The following LAMC3 variants were observed in gnomAD, a reference collection of about 807,000 sequenced individuals.
LAMC3 encodes the protein laminin subunit gamma-3.
Under a neutral mutation model 173.8 loss-of-function variants are expected in LAMC3, and 128 were observed. The observed-to-expected ratio is 0.74, with a 90% CI of 0.64 to 0.85. The LOEUF (loss-of-function observed/expected upper bound fraction) is 0.85. Ranked by LOEUF, LAMC3 falls within the 40% of genes least tolerant of loss-of-function variation. The pLI, the probability that LAMC3 is intolerant of heterozygous loss-of-function variation, is 0.00. For missense variants in LAMC3, 2,022 were observed against 2,156.0 expected, an observed-to-expected ratio of 0.94 and a Z score of 1.23; for synonymous variants, 897 against 909.1, an observed-to-expected ratio of 0.99 and a Z score of 0.24.
intron 25 of LAMC3, 79 bp downstream of exon 25, chr9:131,085,802 C>G: frequency 7.4e-7 from 1 of 1,346,648 alleles, no homozygotes; most frequent in Non-Finnish European, 1.1e-6. Context: ...TTCCCGACAT[C>G]CGTGCTGACT....
At chr9:131,051,121 G>T (rs577335523) in intron 9 of LAMC3, among the ~76,000 whole-genome samples, 1 of 152,304 alleles carries the variant, frequency 6.6e-6, no homozygotes, top group South Asian at 2.1e-4. Flanking sequence ...CACCAAAGCT[G>T]TGGCGGGGCG....
chr9:131,009,343 G>A lies in LAMC3; in HGVS notation c.129G>A (p.Ala43=). The A allele has an allele frequency of 6.7e-7, 1 of 1,496,818 alleles. No homozygotes were observed. The highest frequency in any genetic ancestry group is 8.8e-7 in the Non-Finnish European group (1 of 1,130,096). The allele number at this position is 1,496,818 out of a possible 1,614,324, so 92.7% of individuals were successfully genotyped here. Residue 43 remains alanine (A), a synonymous_variant, in exon 1 of 28, where the codon GCG becomes GCA. Coordinates refer to ENST00000361069, the MANE Select transcript of LAMC3 (RefSeq NM_006059.4). The surrounding 1 kb of genome is among the most constrained non-coding windows in gnomAD (Gnocchi z 4.3). The part of the protein sequence containing the change: ...QRCLPVFENA[A]FGRLAQASHT... ...GCCTGCCGGTGTTCGAGAACGCGGC[G>A]TTTGGGCGGCTCGCCCAGGCCTCGC...
At position 131,026,574 on chromosome 9, in the gene LAMC3, G is replaced by A. The variant is rs1442100580; in HGVS notation, c.663G>A (p.Glu221=). 1 of 1,599,402 alleles carries A rather than the reference G, an allele frequency of 6.3e-7. No individual in the cohort carries two copies. The highest frequency in any genetic ancestry group is 1.7e-5 in the Admixed American group (1 of 57,386). The change falls in exon 2 of 28, where the codon GAG becomes GAA. Residue 221 remains glutamate (E), a synonymous_variant. Transcript: ENST00000361069. This position sits in a 1 kb window ranked among gnomAD's most constrained non-coding sequence, Gnocchi z 4.8. ...EGRPSAYNFE[E]SPGLQEWVTS... ...GGCCCAGCGCCTACAACTTCGAGGA[G>A]AGCCCTGGGCTGCAGGTCAGGGAGG...
chr9:131,071,705 T>A (rs1249396392), intron 18 of LAMC3, 80 bp downstream of exon 18: 3 of 1,433,154 alleles, frequency 2.1e-6, no homozygotes, highest in African/African-American at 2.8e-5. Flanking sequence ...GTTGGATGCT[T>A]TGGGGGCCCT....
intron 11 of LAMC3, among the ~76,000 whole-genome samples, chr9:131,056,494 G>GAAAAAAAAAA (rs113366403): frequency 7.1e-6 from 1 of 139,962 alleles, no homozygotes. Context: ...TTGACAATTT[G>GAAAAAAAAAA]AAAAATAAAA....
Position 131,067,036 on chromosome 9 carries a change from C to G in LAMC3, c.2424C>G (p.His808Gln). 6.2e-7 allele frequency: 1 copy of G among 1,614,106 alleles called. No individual in the cohort carries two copies. The change falls in exon 14 of 28, where the codon CAC becomes CAG. Residue 808 changes from histidine to glutamine, a missense_variant. Physicochemically the swap from His to Gln is conservative, Grantham distance 24. Coordinates refer to ENST00000361069, the MANE Select transcript of LAMC3 (RefSeq NM_006059.4). Reference protein sequence around the residue: ...LGLFGHPQPCHQCQCSGNVDP... With the variant: ...LGLFGHPQPCQQCQCSGNVDP... ...TCTTTGGGCACCCCCAGCCCTGCCA[C>G]CAGTGCCAGTGTAGCGGGAACGTGG...
intron 24 of LAMC3, among the ~76,000 whole-genome samples, chr9:131,084,219 A>AT (rs1260453336): frequency 6.7e-6 from 1 of 150,348 alleles, no homozygotes; most frequent in Non-Finnish European, 1.5e-5. Flanking sequence ...TTCCTTTAGA[A>AT]TTTTTTTTTG....
intron 7 of LAMC3, among the ~76,000 whole-genome samples, chr9:131,042,487 T>G (rs1176166942): frequency 7.2e-6 from 1 of 138,234 alleles, no homozygotes; most frequent in Admixed American, 7.3e-5. Flanking sequence ...CTTTTCACAC[T>G]CACGGCCAAC....
intron 2 of LAMC3, among the ~76,000 whole-genome samples, chr9:131,028,871 C>A (rs1434224564): frequency 6.6e-6 from 1 of 152,180 alleles, no homozygotes; most frequent in African/African-American, 2.4e-5. Context: ...CTATGCTGCC[C>A]AAGCTGGTCT....
chr9:131,072,521 G>A (rs1830052116), intron 18 of LAMC3, 109 bp from the exon 19 acceptor site: 4 of 887,444 alleles, frequency 4.5e-6, no homozygotes, highest in Admixed American at 2.0e-5. Flanking sequence ...GGTGCTCAGG[G>A]CTGCTGATGC....
chr9:131,041,858 T>G (rs1373361849), intron 7 of LAMC3, 123 bp downstream of exon 7: 5 of 798,350 alleles, frequency 6.3e-6, no homozygotes, highest in Non-Finnish European at 1.1e-5. Context: ...TGGGTGACCT[T>G]GTCACCCTGT....
At chr9:131,053,228 C>T (rs769120559) in intron 11 of LAMC3, among the ~76,000 whole-genome samples, 22 of 152,174 alleles carry the variant, frequency 1.4e-4, no homozygotes, top group Non-Finnish European at 2.1e-4. Context: ...GGCAGGTGTG[C>T]GGCCAGCAAG....
At chr9:131,023,965 G>T (rs1833675567) in intron 1 of LAMC3, among the ~76,000 whole-genome samples, 1 of 151,742 alleles carries the variant, frequency 6.6e-6, no homozygotes, top group Non-Finnish European at 1.5e-5. Context: ...CCACTCTGTG[G>T]GTTGCCTTTT....
chr9:131,013,148 AACTGAGGC>A (rs1833455107), intron 1 of LAMC3, among the ~76,000 whole-genome samples: 1 of 152,228 alleles, frequency 6.6e-6, no homozygotes, highest in South Asian at 2.1e-4. Context: ...CAGACAGCAA[AACTGAGGC>A]ACTGAGGGTG....
chr9:131,047,163 CTCTT>C (rs1205289412), intron 8 of LAMC3, among the ~76,000 whole-genome samples: 1 of 48,554 alleles, frequency 2.1e-5, no homozygotes, highest in Admixed American at 1.9e-4. Flanking sequence ...CTCTGAATTC[CTCTT>C]TTTTTTTTTT....
chr9:131,027,125 G>A (rs994551212), intron 2 of LAMC3, among the ~76,000 whole-genome samples: 1 of 152,244 alleles, frequency 6.6e-6, no homozygotes, highest in Non-Finnish European at 1.5e-5. Context: ...GACCAGAGCT[G>A]TCCCTTCCCT....
At position 131,069,790 on chromosome 9, in the gene LAMC3, C is replaced by T; in HGVS notation, c.3009C>T (p.Leu1003=). The T allele has an allele frequency of 6.3e-7, 1 of 1,594,390 alleles. No homozygotes were observed. The highest frequency in any genetic ancestry group is 2.3e-5 in the East Asian group (1 of 44,192). The part of the protein sequence containing the change: ...KCDRCHDNFF[L]TADGTHCQQC... ...ACCGCTGCCACGACAACTTCTTCCT[C>T]ACGGCAGACGGCACACACTGCCAGC... Residue 1003 remains leucine (L), a synonymous_variant, in exon 17 of 28, where the codon CTC becomes CTT. Transcript: ENST00000361069.
chr9:131,016,566 G>A (rs1425486196), intron 1 of LAMC3, among the ~76,000 whole-genome samples: 1 of 152,138 alleles, frequency 6.6e-6, no homozygotes, highest in Admixed American at 6.5e-5. Flanking sequence ...CATTCATCGA[G>A]GCGTTCTTTA....
chr9:131,029,483 C>A lies in LAMC3; in HGVS notation c.679-2562C>A, dbSNP rs148032570. On this transcript the variant is annotated intron_variant, in intron 2 of 27. Transcript: ENST00000361069. This position sits in a 1 kb window ranked among gnomAD's most constrained non-coding sequence, Gnocchi z 4.6. ...TTTCTGTCTTGTTGCCTCTTGTGTT[C>A]TGGACACTGTCCCTGATGGAGAGAT... Among the ~76,000 whole-genome samples, 83 of 152,352 alleles carry A rather than the reference C, an allele frequency of 5.4e-4. No individual in the cohort carries two copies. Among genetic ancestry groups the A allele is most frequent in the African/African-American group, 1.8e-3 (73 of 41,578 alleles).
Sources: gnomAD v4.1 joint callset for allele counts (sites outside exome capture counted in the v4.1 genomes callset) on GRCh38, gnomAD v4.1.1 for gene constraint, Gnocchi (gnomAD v3.1) non-coding constraint, MANE v1.5 for transcripts, NCBI Gene and HGNC (gene_info 2026-07-23, HGNC 2026-07-21) for gene names.